The following GRM8 variants were observed in gnomAD, a reference collection of about 807,000 sequenced individuals.
The protein encoded by GRM8 is metabotropic glutamate receptor 8.
GRM8 carries 47 observed loss-of-function variants against 87.2 expected under a neutral mutation model. That is an observed-to-expected ratio of 0.54 (90% CI 0.43 to 0.69). The LOEUF is 0.69. Among genes scored for constraint, GRM8 ranks in the 30% least tolerant of loss-of-function variants. The pLI is 0.00. For missense variants in GRM8, 1,019 were observed against 1,139.2 expected (o/e 0.89, Z 1.52); for synonymous variants, 396 against 404.5 (o/e 0.98, Z 0.25).
chr7:127,238,306 ATGTGTGTGTGTG>A lies in GRM8; in HGVS notation c.510+4377_510+4388del, dbSNP rs3039798. 2.0e-5 allele frequency among the ~76,000 whole-genome samples: 3 copies of A among 146,864 alleles called. No individual in the cohort carries two copies. In the South Asian group the frequency reaches 6.6e-4, roughly 32 times the overall value. ...TAGCTGATATACGATGTGTGTGTGC[ATGTGTGTGTGTG>A]TGTGTGTGTGTGTGTGTGTGTTAGG... On this transcript the variant is annotated intron_variant, in intron 2 of 10. Coordinates refer to ENST00000339582, the MANE Select transcript of GRM8 (RefSeq NM_000845.3).
intron 8 of GRM8, among the ~76,000 whole-genome samples, chr7:126,591,948 A>G (rs1014527078): frequency 4.6e-5 from 7 of 151,898 alleles, no homozygotes; most frequent in African/African-American, 1.7e-4. Flanking sequence ...CAGAAACACA[A>G]AAGATTGTGA....
chr7:126,697,605 AT>A (rs201297706), intron 7 of GRM8, among the ~76,000 whole-genome samples: 3 of 150,952 alleles, frequency 2.0e-5, no homozygotes, highest in African/African-American at 4.9e-5. Flanking sequence ...ATTGTGGGTC[AT>A]TTTTTTTTCT....
chr7:126,955,868 G>A (rs925519980), intron 3 of GRM8, among the ~76,000 whole-genome samples: 4 of 152,094 alleles, frequency 2.6e-5, no homozygotes, highest in Admixed American at 6.5e-5. Context: ...TCAACTTAAT[G>A]AGTACACACT....
At chr7:127,111,910 C>G (rs976646077) in intron 2 of GRM8, among the ~76,000 whole-genome samples, 1 of 151,988 alleles carries the variant, frequency 6.6e-6, no homozygotes, top group African/African-American at 2.4e-5. Context: ...CACCTGTAAT[C>G]CCAGCTACTC....
chr7:127,092,948 C>T (rs1347249360), intron 3 of GRM8, among the ~76,000 whole-genome samples: 1 of 152,210 alleles, frequency 6.6e-6, no homozygotes, highest in African/African-American at 2.4e-5. Context: ...TAGCTCCTTC[C>T]TCGGTCCAGG....
At chr7:126,763,474 C>T (rs7803920) in intron 7 of GRM8, among the ~76,000 whole-genome samples, 2,130 of 25,158 alleles carry the variant, frequency 0.085, 30 homozygotes, top group South Asian at 0.11. Context: ...TATATATATA[C>T]ACACACACAC....
chr7:126,674,273 G>A (rs999699759), intron 7 of GRM8, among the ~76,000 whole-genome samples: 7 of 152,156 alleles, frequency 4.6e-5, no homozygotes, highest in Non-Finnish European at 8.8e-5. Context: ...AAAAGGCAGC[G>A]TGTTTTTCCC....
At chr7:126,825,341 C>T (rs1277205238) in intron 6 of GRM8, among the ~76,000 whole-genome samples, 1 of 152,178 alleles carries the variant, frequency 6.6e-6, no homozygotes, top group Non-Finnish European at 1.5e-5. Context: ...GCTGGGATTA[C>T]AGGCATGAGC....
chr7:126,706,076 T>C (rs1454309348), intron 7 of GRM8, among the ~76,000 whole-genome samples: 4 of 152,138 alleles, frequency 2.6e-5, no homozygotes. Flanking sequence ...TTTAATGTCA[T>C]GGAAAATTTA....
chr7:126,930,774 G>C lies in GRM8; in HGVS notation c.728-26091C>G, dbSNP rs539412106. 1.6e-4 allele frequency among the ~76,000 whole-genome samples: 25 copies of C among 152,268 alleles called. No homozygotes were observed. In the South Asian group the frequency reaches 5.0e-3, roughly 30 times the overall value. On this transcript the variant is annotated intron_variant, in intron 3 of 10. Coordinates refer to ENST00000339582, the MANE Select transcript of GRM8 (RefSeq NM_000845.3). ...CCGAGTATTATAAGTGATATTCATA[G>C]TCAGAATTCTTGGAGACCGCTACTT...
At chr7:126,547,541 G>A (rs1817296299) in intron 8 of GRM8, among the ~76,000 whole-genome samples, 1 of 151,552 alleles carries the variant, frequency 6.6e-6, no homozygotes, top group African/African-American at 2.4e-5. Context: ...TATAATCTCA[G>A]AAATGAAGAC....
At chr7:127,128,803 T>A (rs1227515963) in intron 2 of GRM8, among the ~76,000 whole-genome samples, 1 of 152,072 alleles carries the variant, frequency 6.6e-6, no homozygotes, top group East Asian at 1.9e-4. Flanking sequence ...GGGAAAAAAA[T>A]GTTCCCTGTC....
At chr7:126,482,219 C>T (rs13224778) in intron 9 of GRM8, among the ~76,000 whole-genome samples, 7,142 of 151,994 alleles carry the variant, frequency 0.047, 269 homozygotes, top group Admixed American at 0.098. Flanking sequence ...AAAATGGTAA[C>T]GTTGCTTTGG....
At chr7:127,159,674 C>T (rs1175134371) in intron 2 of GRM8, among the ~76,000 whole-genome samples, 1 of 152,088 alleles carries the variant, frequency 6.6e-6, no homozygotes, top group Non-Finnish European at 1.5e-5. Context: ...ATCATATTTA[C>T]AGTCATTTTG....
chr7:127,182,638 TG>T (rs1794521166), intron 2 of GRM8, among the ~76,000 whole-genome samples: 1 of 31,864 alleles, frequency 3.1e-5, no homozygotes, highest in Non-Finnish European at 5.9e-5. Context: ...GTGTGGTGTG[TG>T]TGTGTGTGTG....
chr7:126,658,038 C>G (rs2151271072), intron 7 of GRM8, among the ~76,000 whole-genome samples: 1 of 152,356 alleles, frequency 6.6e-6, no homozygotes, highest in East Asian at 1.9e-4. Context: ...CTGGAATGGC[C>G]TGAGCCGCTG....
chr7:126,476,421 A>T (rs1264179923), intron 9 of GRM8, among the ~76,000 whole-genome samples: 1 of 152,202 alleles, frequency 6.6e-6, no homozygotes, highest in African/African-American at 2.4e-5. Flanking sequence ...ATCTCTAAAA[A>T]GTGCTTCTGT....
In GRM8 at chr7:126,902,635, T is replaced by G; in HGVS notation, c.1063A>C (p.Arg355=). Residue 355 remains arginine, a synonymous_variant, in exon 6 of 11, where the codon AGA becomes CGA. Transcript: ENST00000339582. ...CAGAATTCTGCAAACCACACATTTC[T>G]TCGATTATTGGCAAGAGTTCGGCTT... is the stretch of plus-strand genomic sequence containing the variant. The part of the protein sequence containing the change: ...FRSRTLANNR[R]NVWFAEFWEE... 1 of 1,610,222 alleles carries G rather than the reference T, an allele frequency of 6.2e-7. No individual in the cohort carries two copies. The highest frequency in any genetic ancestry group is 8.5e-7 in the Non-Finnish European group (1 of 1,177,816).
chr7:126,930,318 T>C (rs1021620973), intron 3 of GRM8, among the ~76,000 whole-genome samples: 1 of 152,220 alleles, frequency 6.6e-6, no homozygotes, highest in Admixed American at 6.5e-5. Context: ...ACATGAGCTA[T>C]ATGAGCTAGC....
Sources: gnomAD v4.1 joint callset for allele counts (sites outside exome capture counted in the v4.1 genomes callset) on GRCh38, gnomAD v4.1.1 for gene constraint, MANE v1.5 for transcripts, NCBI Gene and HGNC (gene_info 2026-07-23, HGNC 2026-07-21) for gene names.